The following FBXL13 variants were observed in gnomAD, a reference collection of about 807,000 sequenced individuals.
FBXL13 encodes F-box and leucine-rich repeat protein 13.
A neutral mutation model predicts 83.6 loss-of-function variants in FBXL13; 67 were observed. The observed-to-expected ratio is 0.80, with a 90% CI of 0.66 to 0.98. The LOEUF is 0.98. Ranked by LOEUF, FBXL13 falls within the 50% of genes least tolerant of loss-of-function variation. The pLI, the probability that FBXL13 is intolerant of heterozygous loss-of-function variation, is 0.00. For synonymous variants in FBXL13, 272 were observed against 299.5 expected, an observed-to-expected ratio of 0.91 and a Z score of 0.95; for missense variants, 822 against 866.5, an observed-to-expected ratio of 0.95 and a Z score of 0.64.
chr7:102,861,928 G>A (rs1203652365), intron 16 of FBXL13, among the ~76,000 whole-genome samples: 1 of 148,322 alleles, frequency 6.7e-6, no homozygotes, highest in African/African-American at 2.5e-5. Context: ...GCTGTAGTGA[G>A]CCAAGATCGT....
chr7:102,981,368 T>C (rs190196161), intron 6 of FBXL13, among the ~76,000 whole-genome samples: 49 of 152,276 alleles, frequency 3.2e-4, no homozygotes, highest in Admixed American at 3.0e-3. Flanking sequence ...TCTATTCCCC[T>C]GTATGTACCC....
In FBXL13 at chr7:102,867,695, A is replaced by ATTTTT. The variant is rs1205859622; in HGVS notation, c.1635+9767_1635+9771dup. Among the ~76,000 whole-genome samples the ATTTTT allele has an allele frequency of 1.6e-3, 80 of 49,078 alleles. 5 individuals carry two copies. Among genetic ancestry groups the ATTTTT allele is most frequent in the African/African-American group, 8.2e-3 (67 of 8,166 alleles). 32.2% of individuals were successfully genotyped at this position (49,078 alleles called of 152,430 possible). ...TATATATATATATATATATATATAT[A>ATTTTT]TTTTTTTTTTTTTTTTTTTTTTTTT... On this transcript the variant is annotated intron_variant, in intron 16 of 19. Coordinates refer to ENST00000313221, the Ensembl canonical transcript of FBXL13.
chr7:103,038,376 G>A (rs554320973), intron 2 of FBXL13, among the ~76,000 whole-genome samples: 1 of 152,238 alleles, frequency 6.6e-6, no homozygotes, highest in South Asian at 2.1e-4. Flanking sequence ...TCCACCTCTG[G>A]GGACAGGGCA....
intron 6 of FBXL13, among the ~76,000 whole-genome samples, chr7:103,008,046 C>A (rs969983245): frequency 6.6e-6 from 1 of 152,092 alleles, no homozygotes; most frequent in African/African-American, 2.4e-5. Flanking sequence ...AGATGGAGCC[C>A]AAGAAGAAGT....
intron 10 of FBXL13, among the ~76,000 whole-genome samples, chr7:102,922,128 T>C (rs1817163335): frequency 6.6e-6 from 1 of 151,568 alleles, no homozygotes; most frequent in Non-Finnish European, 1.5e-5. Context: ...AGGCGGAGGT[T>C]GCAGTGAGCT....
At chr7:103,052,857 A>G (rs1024512169) in intron 2 of FBXL13, among the ~76,000 whole-genome samples, 14 of 151,448 alleles carry the variant, frequency 9.2e-5, no homozygotes, top group Admixed American at 4.6e-4. Flanking sequence ...CCCAGGTTCA[A>G]GTGATTCTCC....
chr7:102,964,588 A>G (rs1237217174), intron 7 of FBXL13, among the ~76,000 whole-genome samples: 1 of 151,766 alleles, frequency 6.6e-6, no homozygotes, highest in African/African-American at 2.4e-5. Flanking sequence ...TTTTTAGTAG[A>G]GACGAGGTTT....
At chr7:102,944,403 T>C in intron 8 of FBXL13, 2 of 1,614,054 alleles carry the variant, frequency 1.2e-6, no homozygotes, top group Non-Finnish European at 1.7e-6. Flanking sequence ...TCCATTTTAA[T>C]GGCCTGGAAT....
At chr7:102,981,410 T>A (rs879525750) in intron 6 of FBXL13, among the ~76,000 whole-genome samples, 1 of 32,250 alleles carries the variant, frequency 3.1e-5, no homozygotes, top group Non-Finnish European at 7.6e-5. Context: ...TTTCCCCCCC[T>A]TACCCACCTC....
chr7:102,939,326 C>T, intron 8 of FBXL13: 2 of 942,166 alleles, frequency 2.1e-6, no homozygotes, highest in Admixed American at 2.5e-5. Context: ...ATCCCTTTAC[C>T]CCTTCTCTTT....
chr7:102,813,622 C>A, intron 19 of FBXL13, 91 bp from the exon 21 acceptor site: 1 of 1,300,494 alleles, frequency 7.7e-7, no homozygotes, highest in Non-Finnish European at 1.1e-6. Context: ...TTAGGGAATT[C>A]ACTGTCACAA....
At chr7:102,929,504 A>C (rs1818752001) in intron 9 of FBXL13, among the ~76,000 whole-genome samples, 1 of 152,010 alleles carries the variant, frequency 6.6e-6, no homozygotes, top group Admixed American at 6.6e-5. Context: ...TCTACAAAAA[A>C]AATTCAAAAA....
At chr7:102,903,939 C>CTTTTTTTTT (rs1166655004) in intron 11 of FBXL13, among the ~76,000 whole-genome samples, 17 of 43,452 alleles carry the variant, frequency 3.9e-4, no homozygotes, top group East Asian at 1.3e-3. Flanking sequence ...CTTTTCTTTT[C>CTTTTTTTTT]TTTTTTTTTT....
intron 17 of FBXL13, among the ~76,000 whole-genome samples, chr7:102,846,449 T>C (rs1428592462): frequency 1.3e-5 from 2 of 151,932 alleles, no homozygotes; most frequent in African/African-American, 4.8e-5. Flanking sequence ...TGAAACACCA[T>C]CTCTACTAAA....
At chr7:103,001,120 A>ATT (rs546579010) in intron 6 of FBXL13, among the ~76,000 whole-genome samples, 4 of 149,508 alleles carry the variant, frequency 2.7e-5, no homozygotes, top group Admixed American at 6.7e-5. Context: ...CTATATATAT[A>ATT]TTTTTTTTTG....
intron 6 of FBXL13, among the ~76,000 whole-genome samples, chr7:102,981,297 G>C (rs1828184510): frequency 6.6e-6 from 1 of 152,016 alleles, no homozygotes; most frequent in South Asian, 2.1e-4. Flanking sequence ...TTTTATACTG[G>C]TAAATACTTT....
At chr7:102,955,762 C>G (rs1479521433) in intron 8 of FBXL13, among the ~76,000 whole-genome samples, 1 of 152,032 alleles carries the variant, frequency 6.6e-6, no homozygotes, top group Non-Finnish European at 1.5e-5. Context: ...CACCTCTATG[C>G]AAATAAACTA....
At chr7:102,902,906 G>A (rs1813143877) in intron 11 of FBXL13, among the ~76,000 whole-genome samples, 1 of 151,624 alleles carries the variant, frequency 6.6e-6, no homozygotes, top group Non-Finnish European at 1.5e-5. Flanking sequence ...GGCTATTCTG[G>A]GTCTTTAGTC....
intron 10 of FBXL13, among the ~76,000 whole-genome samples, chr7:102,913,741 GT>G (rs1034823541): frequency 1.3e-5 from 2 of 152,160 alleles, no homozygotes; most frequent in African/African-American, 4.8e-5. Flanking sequence ...AAGCAAATGA[GT>G]TTAAAAAATA....
Sources: gnomAD v4.1 joint callset for allele counts (sites outside exome capture counted in the v4.1 genomes callset) on GRCh38, gnomAD v4.1.1 for gene constraint, MANE v1.5 for transcripts, NCBI Gene and HGNC (gene_info 2026-07-23, HGNC 2026-07-21) for gene names.